The following MYO9A variants were observed in gnomAD, a reference collection of about 807,000 sequenced individuals.
MYO9A encodes unconventional myosin-IXa.
In MYO9A, 103 loss-of-function variants were observed where a neutral mutation model predicts 293.3. That is an observed-to-expected ratio of 0.35 (90% CI 0.30 to 0.41). MYO9A has a LOEUF of 0.41. Among genes scored for constraint, MYO9A ranks in the 10% least tolerant of loss-of-function variants. The probability of loss-of-function intolerance (pLI) is 1.00; values close to 1 mark genes in which losing one functional copy is unlikely to be tolerated. For synonymous variants in MYO9A, 1,001 were observed against 1,035.7 expected (o/e 0.97, Z 0.64); for missense variants, 2,685 against 3,033.0 (o/e 0.89, Z 2.69).
chr15:72,019,050 C>G lies in MYO9A; in HGVS notation c.1144G>C (p.Asp382His), dbSNP rs1438218484. ...GTACTTGTACTGACCGGCTCAGAGT[C>G]ATAGCAATAATCATCCCAGCTCTGT... ...LRQSWDDYCY[D>H]SEPDCFTVEG... The change falls in exon 6 of 42, where the codon GAC becomes CAC. Residue 382 changes from aspartate (D) to histidine (H), a missense_variant. Asp to His is a moderately conservative substitution (Grantham distance 81). Transcript: ENST00000356056. 1 of 1,613,728 alleles carries G rather than the reference C, an allele frequency of 6.2e-7. No individual in the cohort carries two copies. The highest frequency in any genetic ancestry group is 1.3e-5 in the African/African-American group (1 of 75,022).
At chr15:71,882,795 A>G (rs1228779653) in intron 28 of MYO9A, among the ~76,000 whole-genome samples, 1 of 151,960 alleles carries the variant, frequency 6.6e-6, no homozygotes, top group Non-Finnish European at 1.5e-5. Context: ...GCATAAATAA[A>G]TAACTTTTCT....
At chr15:71,998,565 C>CT (rs11443228) in intron 9 of MYO9A, among the ~76,000 whole-genome samples, 132,236 of 140,194 alleles carry the variant, frequency 0.94, 62,462 homozygotes, top group East Asian at 0.99. Flanking sequence ...TTTTTTTTGT[C>CT]TTTTTTTTTC....
intron 6 of MYO9A, among the ~76,000 whole-genome samples, chr15:72,010,954 C>T (rs1045175477): frequency 4.6e-5 from 7 of 151,560 alleles, no homozygotes; most frequent in African/African-American, 1.5e-4. Context: ...CCCAGATTTA[C>T]GTAATATAGT....
chr15:71,978,209 T>C lies in MYO9A; in HGVS notation c.1806A>G (p.Lys602=). The C allele has an allele frequency of 6.2e-7, 1 of 1,613,292 alleles. No individual in the cohort carries two copies. The highest frequency in any genetic ancestry group is 1.3e-5 in the African/African-American group (1 of 74,994). ...CCAAAAGATGAAGCAGTCCTGTTGG[T>C]TTTTTGCTAATAAGATTTATGCAGC... ...NTCCINLISK[K]PTGLLHLLDE... Residue 602 remains lysine (K), a synonymous_variant, in exon 12 of 42, where the codon AAA becomes AAG. Transcript: ENST00000356056.
intron 12 of MYO9A, among the ~76,000 whole-genome samples, chr15:71,973,888 G>T (rs1324392368): frequency 6.6e-6 from 1 of 152,164 alleles, no homozygotes; most frequent in Non-Finnish European, 1.5e-5. Flanking sequence ...ATGCCAATAA[G>T]AACTGTTCTT....
intron 21 of MYO9A, among the ~76,000 whole-genome samples, 198 bp from the exon 22 acceptor site, chr15:71,903,261 C>A (rs1036586487): frequency 6.6e-6 from 1 of 151,778 alleles, no homozygotes; most frequent in African/African-American, 2.4e-5. Context: ...TTCTACATAT[C>A]ATGACATCAA....
At chr15:71,875,061 C>A (rs1434573423) in intron 32 of MYO9A, among the ~76,000 whole-genome samples, 14 of 152,052 alleles carry the variant, frequency 9.2e-5, no homozygotes, top group Non-Finnish European at 1.5e-5. Context: ...ATTATGCACA[C>A]CTTAAGGGCT....
At chr15:71,996,615 A>G (rs2076705405) in intron 9 of MYO9A, among the ~76,000 whole-genome samples, 1 of 151,934 alleles carries the variant, frequency 6.6e-6, no homozygotes, top group Non-Finnish European at 1.5e-5. Flanking sequence ...TGCAGGACTC[A>G]TCCTTGACAC....
In MYO9A at chr15:71,938,944, A is replaced by C. The variant is rs763099061; in HGVS notation, c.2303-17T>G. 5 of 1,588,506 alleles carry C rather than the reference A, an allele frequency of 3.1e-6. No homozygotes were observed. The highest frequency in any genetic ancestry group is 4.3e-6 in the Non-Finnish European group (5 of 1,165,062). ...GGGTTATACCTAGCAAAATTTAAAA[A>C]ACAGAAAATTTCAAATCAGTGCAAA... On this transcript the variant is annotated splice_polypyrimidine_tract_variant and intron_variant, in intron 15 of 41. Transcript: ENST00000356056.
intron 18 of MYO9A, among the ~76,000 whole-genome samples, chr15:71,924,093 CCTTT>C (rs2058226556): frequency 6.6e-6 from 1 of 151,956 alleles, no homozygotes; most frequent in Non-Finnish European, 1.5e-5. Context: ...TTTAGTATCT[CCTTT>C]GACTCATTTG....
At chr15:72,003,107 T>TA (rs1174736349) in intron 8 of MYO9A, among the ~76,000 whole-genome samples, 10 of 150,448 alleles carry the variant, frequency 6.6e-5, no homozygotes, top group Non-Finnish European at 8.9e-5. Context: ...CCGTCTCTAC[T>TA]AAAAATACAA....
At chr15:72,093,206 T>C (rs928082730) in intron 1 of MYO9A, among the ~76,000 whole-genome samples, 1 of 152,120 alleles carries the variant, frequency 6.6e-6, no homozygotes, top group African/African-American at 2.4e-5. Flanking sequence ...AAGGGTCGTA[T>C]ATATGAGAGG....
chr15:72,026,969 A>T (rs1173027464), intron 4 of MYO9A, among the ~76,000 whole-genome samples: 1 of 152,240 alleles, frequency 6.6e-6, no homozygotes, highest in East Asian at 1.9e-4. Context: ...CACACAAATA[A>T]AAGTCAGAAC....
intron 15 of MYO9A, among the ~76,000 whole-genome samples, chr15:71,941,953 T>C (rs2058787554): frequency 6.6e-6 from 1 of 152,050 alleles, no homozygotes; most frequent in African/African-American, 2.4e-5. Context: ...GGAATAAAAA[T>C]ATATGTCTGC....
At chr15:72,082,745 T>C (rs917139672) in intron 1 of MYO9A, among the ~76,000 whole-genome samples, 1 of 152,032 alleles carries the variant, frequency 6.6e-6, no homozygotes, top group Admixed American at 6.6e-5. Flanking sequence ...CGAAAGGCTG[T>C]TGAATTTTAT....
intron 2 of MYO9A, among the ~76,000 whole-genome samples, chr15:72,033,738 A>C (rs1288256789): frequency 6.6e-6 from 1 of 152,230 alleles, no homozygotes; most frequent in African/African-American, 2.4e-5. Flanking sequence ...CATTTATCAA[A>C]ATTCACTGAG....
At chr15:71,855,467 T>C (rs1302561220) in intron 34 of MYO9A, among the ~76,000 whole-genome samples, 1 of 152,186 alleles carries the variant, frequency 6.6e-6, no homozygotes, top group Non-Finnish European at 1.5e-5. Context: ...ATAGGTTACT[T>C]TATATCCTAT....
rs777932484 is a variant in MYO9A, at chr15:71,869,457, G to A, written c.5979+6334C>T. On this transcript the variant is annotated intron_variant, in intron 32 of 41. Transcript: ENST00000356056. ...TGTTCTTCAACAATGCCAATGTCACGGAAACTAAGAAGGCTAAGGAACTGT... is the reference window on the plus strand; with the variant it reads ...TGTTCTTCAACAATGCCAATGTCACAGAAACTAAGAAGGCTAAGGAACTGT... Among the ~76,000 whole-genome samples, 11 of 152,074 alleles carry A rather than the reference G, an allele frequency of 7.2e-5. No homozygotes were observed. In the East Asian group the frequency reaches 7.7e-4, roughly 11 times the overall value.
chr15:71,996,019 G>A (rs1454195538), intron 9 of MYO9A, among the ~76,000 whole-genome samples: 4 of 152,060 alleles, frequency 2.6e-5, no homozygotes, highest in Non-Finnish European at 5.9e-5. Flanking sequence ...TTATTGTTGT[G>A]GAGTTTTAGA....
Sources: gnomAD v4.1 joint callset for allele counts (sites outside exome capture counted in the v4.1 genomes callset) on GRCh38, gnomAD v4.1.1 for gene constraint, MANE v1.5 for transcripts, NCBI Gene and HGNC (gene_info 2026-07-23, HGNC 2026-07-21) for gene names.